RASSF6: variants seen among roughly 807,000 people sequenced by gnomAD.
The protein encoded by RASSF6 is Ras association domain family member 6, also known as ras association domain-containing protein 6.
In RASSF6, 52 loss-of-function variants were observed where a neutral mutation model predicts 44.0. That is an observed-to-expected ratio of 1.18 (90% confidence interval 0.95 to 1.49). The LOEUF is 1.49. Among genes scored for constraint, RASSF6 ranks in the 40% most tolerant of loss-of-function variants. The pLI is 0.00. For synonymous variants in RASSF6, 162 were observed against 124.6 expected (o/e 1.30, Z -2.00); for missense variants, 464 against 393.3 (o/e 1.18, Z -1.52).
intron 4 of RASSF6, among the ~76,000 whole-genome samples, chr4:73,590,370 T>A: frequency 6.6e-6 from 1 of 152,346 alleles, no homozygotes. Flanking sequence ...ACCCCACGTT[T>A]ACCCACTGCA....
At chr4:73,577,187 C>T (rs1723290612) in intron 8 of RASSF6, among the ~76,000 whole-genome samples, 1 of 152,082 alleles carries the variant, frequency 6.6e-6, no homozygotes, top group Non-Finnish European at 1.5e-5. Flanking sequence ...ATTCTTGGCT[C>T]ATCTTTAAAA....
At position 73,575,551 on chromosome 4, in the gene RASSF6, A is replaced by G. The variant is rs1656333937; in HGVS notation, c.*684T>C. 6.6e-6 allele frequency: 1 copy of G among 152,190 alleles called. No individual in the cohort carries two copies. The highest frequency in any genetic ancestry group is 2.1e-4 in the South Asian group (1 of 4,836). The allele number at this position is 152,190 out of a possible 1,614,324, so 9.4% of individuals were successfully genotyped here. A position where few individuals can be genotyped will look rare whatever the true frequency, so the allele number is the denominator to read the frequency against. ...ATAAAGAAAAAGTTCAATTAACTTA[A>G]AAAAGAGCTTAAGAAAAGCTTTGAA... On this transcript the variant is annotated 3_prime_UTR_variant, in exon 11 of 11. Coordinates refer to ENST00000307439, the MANE Select transcript of RASSF6 (RefSeq NM_177532.5).
chr4:73,609,283 G>GA (rs1241480328), intron 2 of RASSF6, among the ~76,000 whole-genome samples: 1 of 152,064 alleles, frequency 6.6e-6, no homozygotes, highest in African/African-American at 2.4e-5. Flanking sequence ...AAAATACTTT[G>GA]AAAGTAACCA....
In RASSF6 at chr4:73,599,565, TG is replaced by T. The variant is rs1406254613; in HGVS notation, c.66-848del. On this transcript the variant is annotated intron_variant, in intron 2 of 10. Transcript: ENST00000307439. Reference sequence around the variant, plus strand: ...GACTTATCTCACCCTTTGTGGCAGGTGGGCCCTGGCAGTGGGAACACTGGCT... The same window carrying T: ...GACTTATCTCACCCTTTGTGGCAGGTGGCCCTGGCAGTGGGAACACTGGCT... Among the ~76,000 whole-genome samples, 6 of 152,192 alleles carry T rather than the reference TG, an allele frequency of 3.9e-5. No individual in the cohort carries two copies. In the East Asian group the frequency reaches 7.7e-4, roughly 20 times the overall value.
At chr4:73,619,674 G>A (rs888096385) in intron 1 of RASSF6, among the ~76,000 whole-genome samples, 6 of 152,244 alleles carry the variant, frequency 3.9e-5, no homozygotes, top group South Asian at 2.1e-4. Context: ...TGGCAAAGCC[G>A]AGCTTTGAAC....
At chr4:73,578,280 G>A (rs1328481747) in intron 8 of RASSF6, among the ~76,000 whole-genome samples, 1 of 152,156 alleles carries the variant, frequency 6.6e-6, no homozygotes, top group African/African-American at 2.4e-5. Context: ...AGAGGTGTGA[G>A]GAAAGAACGA....
chr4:73,585,117 G>T, intron 6 of RASSF6, 63 bp downstream of exon 6: 1 of 1,141,392 alleles, frequency 8.8e-7, no homozygotes, highest in Non-Finnish European at 1.2e-6. Context: ...GAATTGGGTG[G>T]TATTGTTAGT....
chr4:73,582,046 T>G, intron 7 of RASSF6, 143 bp downstream of exon 7: 1 of 654,204 alleles, frequency 1.5e-6, no homozygotes. Context: ...TAAAAGGTGT[T>G]ATACAAAGGA....
At chr4:73,615,874 G>T in intron 1 of RASSF6, 2 of 1,549,014 alleles carry the variant, frequency 1.3e-6, no homozygotes, top group Non-Finnish European at 1.7e-6. Flanking sequence ...CCTAGAGGTG[G>T]GCTTGCCTGG....
At chr4:73,612,874 A>G (rs1326821169) in intron 1 of RASSF6, among the ~76,000 whole-genome samples, 1 of 151,956 alleles carries the variant, frequency 6.6e-6, no homozygotes, top group Non-Finnish European at 1.5e-5. Context: ...CTTCAATTCC[A>G]CTCAAACCTA....
At chr4:73,619,880 G>A (rs964302400) in intron 1 of RASSF6, among the ~76,000 whole-genome samples, 9 of 151,944 alleles carry the variant, frequency 5.9e-5, no homozygotes, top group Non-Finnish European at 7.4e-5. Flanking sequence ...TTTCCAGTGC[G>A]ATGATTCAAC....
intron 2 of RASSF6, among the ~76,000 whole-genome samples, chr4:73,606,879 C>T (rs975934816): frequency 2.0e-5 from 3 of 152,144 alleles, no homozygotes; most frequent in Non-Finnish European, 4.4e-5. Context: ...AGCGATATGC[C>T]TTTCAGCCCC....
intron 4 of RASSF6, among the ~76,000 whole-genome samples, chr4:73,588,507 T>C (rs1329960712): frequency 6.6e-6 from 1 of 152,098 alleles, no homozygotes; most frequent in Non-Finnish European, 1.5e-5. Context: ...TTTAAGTGCA[T>C]TCTAGTGCTC....
intron 4 of RASSF6, among the ~76,000 whole-genome samples, chr4:73,591,691 C>G (rs570077889): frequency 6.6e-6 from 1 of 152,102 alleles, no homozygotes; most frequent in South Asian, 2.1e-4. Flanking sequence ...GGCCCTGAGC[C>G]CTAAGCTCCT....
intron 1 of RASSF6, 113 bp from the exon 2 acceptor site, chr4:73,611,942 G>C (rs1307280131): frequency 1.5e-5 from 9 of 609,768 alleles, no homozygotes; most frequent in Non-Finnish European, 2.5e-5. Context: ...GTTTTAGAAA[G>C]TTTTTAAGTA....
intron 2 of RASSF6, among the ~76,000 whole-genome samples, chr4:73,605,202 A>G (rs1349315625): frequency 6.6e-6 from 1 of 152,172 alleles, no homozygotes; most frequent in Non-Finnish European, 1.5e-5. Flanking sequence ...TAAATTCTAT[A>G]TAAGAAACGT....
intron 4 of RASSF6, among the ~76,000 whole-genome samples, chr4:73,591,337 G>T (rs776081470): frequency 6.6e-6 from 1 of 152,046 alleles, no homozygotes; most frequent in Admixed American, 6.5e-5. Flanking sequence ...GATGGTTTAA[G>T]GTGATACTAA....
In RASSF6 at chr4:73,611,756, T is replaced by C; in HGVS notation, c.40A>G (p.Ile14Val). The C allele has an allele frequency of 6.2e-7, 1 of 1,609,790 alleles. No individual in the cohort carries two copies. The highest frequency in any genetic ancestry group is 8.5e-7 in the Non-Finnish European group (1 of 1,176,480). The part of the protein sequence containing the change: ...MAHQYPSWIF[I>V]NEKTFITREQ... The stretch of plus-strand genomic sequence containing the variant: ...CTGGTTATGAATGTCTTCTCATTAA[T>C]GAAGATCCAAGAGGGGTACTGGTGA... The change falls in exon 2 of 11, where the codon ATT (isoleucine) becomes GTT (valine). Residue 14 changes from isoleucine to valine, a missense_variant. Coordinates refer to ENST00000307439, the MANE Select transcript of RASSF6 (RefSeq NM_177532.5).
At chr4:73,619,350 C>T (rs978138736) in intron 1 of RASSF6, among the ~76,000 whole-genome samples, 2 of 152,092 alleles carry the variant, frequency 1.3e-5, no homozygotes, top group Non-Finnish European at 2.9e-5. Flanking sequence ...TCGTTGCTAC[C>T]CAGAGAGATG....
Sources: allele counts gnomAD v4.1 joint callset (sites outside exome capture counted in the v4.1 genomes callset), GRCh38; gene constraint gnomAD v4.1.1; transcripts MANE v1.5; gene names NCBI Gene and HGNC (gene_info 2026-07-23, HGNC 2026-07-21).